Variants in CDH11 observed in about 807,000 individuals in gnomAD.
The protein encoded by CDH11 is cadherin 11.
CDH11 carries 11 observed loss-of-function variants against 67.8 expected under a neutral mutation model. That is an observed-to-expected ratio of 0.16 (90% CI 0.10 to 0.27). The LOEUF (loss-of-function observed/expected upper bound fraction) is 0.27, where lower values mean the gene tolerates loss of function less well. Among genes scored for constraint, CDH11 ranks in the 10% least tolerant of loss-of-function variants. CDH11 has a pLI of 1.00. For synonymous variants in CDH11, 419 were observed against 400.0 expected (o/e 1.05, Z -0.57); for missense variants, 847 against 1,031.2 (o/e 0.82, Z 2.45).
At chr16:65,074,574 G>T (rs368180674) in intron 1 of CDH11, among the ~76,000 whole-genome samples, 12 of 152,186 alleles carry the variant, frequency 7.9e-5, no homozygotes, top group African/African-American at 2.9e-4. Context: ...AAGCACCCAA[G>T]AATTGGAACA....
chr16:64,969,694 T>C (rs547914264), intron 11 of CDH11, among the ~76,000 whole-genome samples: 2 of 152,122 alleles, frequency 1.3e-5, no homozygotes, highest in Admixed American at 1.3e-4. Flanking sequence ...ACACAGGGCT[T>C]TTCATAAATT....
At chr16:65,056,363 A>C (rs1291056113) in intron 1 of CDH11, among the ~76,000 whole-genome samples, 1 of 152,194 alleles carries the variant, frequency 6.6e-6, no homozygotes, top group African/African-American at 2.4e-5. Flanking sequence ...TAATACATAA[A>C]AATATTCATG....
chr16:64,972,928 T>A lies in CDH11; in HGVS notation c.1366A>T (p.Ile456Phe), dbSNP rs199519838. The A allele has an allele frequency of 1.6e-4, 255 of 1,613,812 alleles. No homozygotes were observed. Among genetic ancestry groups the A allele is most frequent in the Non-Finnish European group, 2.0e-5 (24 of 1,179,886 alleles). Reference protein sequence around the residue: ...LDREETAWLNITVFAAEIHNR... With the variant: ...LDREETAWLNFTVFAAEIHNR... Reference sequence around the variant, plus strand: ...CGGATTTCTGCTGCAAAGACAGTGATGTTGAGCCAGGCTGTTTCCTCTCTA... The same window carrying A: ...CGGATTTCTGCTGCAAAGACAGTGAAGTTGAGCCAGGCTGTTTCCTCTCTA... The change falls in exon 9 of 13, where the codon ATC becomes TTC. Residue 456 changes from isoleucine (I) to phenylalanine (F), a missense_variant. This residue lies in a region of CDH11 where 612 missense variants were observed against 678.7 expected (regional missense o/e 0.90). Coordinates refer to ENST00000268603, the MANE Select transcript of CDH11 (RefSeq NM_001797.4).
intron 12 of CDH11, among the ~76,000 whole-genome samples, chr16:64,949,414 C>CTT (rs1215886893): frequency 1.5e-5 from 2 of 133,448 alleles, no homozygotes; most frequent in African/African-American, 2.8e-5. Context: ...TGTTAGGTGC[C>CTT]TTTTTTTTTT....
chr16:65,004,192 C>T (rs1302251635), intron 3 of CDH11, among the ~76,000 whole-genome samples: 2 of 152,032 alleles, frequency 1.3e-5, no homozygotes, highest in Non-Finnish European at 2.9e-5. Flanking sequence ...ACAGCAAGAC[C>T]TTTTCTCTAA....
intron 2 of CDH11, among the ~76,000 whole-genome samples, chr16:65,016,304 G>A (rs1438180150): frequency 2.0e-5 from 3 of 151,918 alleles, no homozygotes; most frequent in Non-Finnish European, 4.4e-5. Flanking sequence ...TATTAGTGTC[G>A]TTTATCAAAA....
At chr16:64,978,531 C>T (rs1331951138) in intron 8 of CDH11, among the ~76,000 whole-genome samples, 1 of 152,140 alleles carries the variant, frequency 6.6e-6, no homozygotes, top group Non-Finnish European at 1.5e-5. Context: ...GATTTCAAAA[C>T]ATAGTACAAA....
chr16:64,974,564 T>G (rs2072109658), intron 8 of CDH11, among the ~76,000 whole-genome samples: 1 of 152,144 alleles, frequency 6.6e-6, no homozygotes, highest in African/African-American at 2.4e-5. Context: ...CACTTCACAG[T>G]ATACAAACAT....
chr16:64,958,268 A>G (rs529946743), intron 11 of CDH11, among the ~76,000 whole-genome samples: 44 of 152,322 alleles, frequency 2.9e-4, no homozygotes, highest in Admixed American at 1.4e-3. Flanking sequence ...TTTTCCACAC[A>G]GTCAGAGTTT....
chr16:64,984,328 A>C (rs2072429721), intron 7 of CDH11, among the ~76,000 whole-genome samples: 2 of 152,224 alleles, frequency 1.3e-5, no homozygotes, highest in Non-Finnish European at 2.9e-5. Context: ...GAATGACTGT[A>C]CCAAGTGATC....
rs1462922193 is a variant in CDH11, at chr16:64,998,605, C to A, written c.480G>T (p.Leu160=). ...QDINDNPPEF[L]HETYHANVPE... ...GCACGTTGGCATGATAGGTCTCGTG[C>A]AGGAACTCCGGAGGGTTGTCATTAA... The change falls in exon 4 of 13, where the codon CTG becomes CTT. Residue 160 remains leucine, a synonymous_variant. Coordinates refer to ENST00000268603, the MANE Select transcript of CDH11 (RefSeq NM_001797.4). 1.2e-6 allele frequency: 2 copies of A among 1,614,074 alleles called. No individual in the cohort carries two copies. Among genetic ancestry groups the A allele is most frequent in the South Asian group, 1.1e-5 (1 of 91,068 alleles).
At chr16:64,963,909 G>GA (rs924976401) in intron 11 of CDH11, among the ~76,000 whole-genome samples, 20 of 151,308 alleles carry the variant, frequency 1.3e-4, no homozygotes, top group Admixed American at 7.9e-4. Context: ...AGCAAAAATG[G>GA]AAAAAAAAAT....
At chr16:64,990,276 A>G (rs1252502643) in intron 6 of CDH11, among the ~76,000 whole-genome samples, 3 of 152,164 alleles carry the variant, frequency 2.0e-5, no homozygotes, top group African/African-American at 7.2e-5. Flanking sequence ...TTTGAATGTT[A>G]TATGAGCCTC....
chr16:64,991,646 T>C (rs757597934), intron 6 of CDH11, 122 bp downstream of exon 6: 2 of 582,592 alleles, frequency 3.4e-6, no homozygotes, highest in East Asian at 2.8e-5. Context: ...AAGAATGATA[T>C]GAATTGCCCT....
At chr16:65,030,768 G>A (rs2073627225) in intron 2 of CDH11, among the ~76,000 whole-genome samples, 1 of 152,084 alleles carries the variant, frequency 6.6e-6, no homozygotes, top group Non-Finnish European at 1.5e-5. Context: ...TCACCATGTT[G>A]CACAGGCTTG....
At chr16:65,120,216 T>C (rs1248780894) in intron 1 of CDH11, among the ~76,000 whole-genome samples, 1 of 152,210 alleles carries the variant, frequency 6.6e-6, no homozygotes, top group Admixed American at 6.5e-5. Context: ...TTCTCTTCTC[T>C]GCCAACATAT....
intron 1 of CDH11, among the ~76,000 whole-genome samples, chr16:65,063,109 A>G (rs971309996): frequency 6.6e-6 from 1 of 152,210 alleles, no homozygotes; most frequent in Non-Finnish European, 1.5e-5. Flanking sequence ...AATGCGAAAA[A>G]TCATTTGTCA....
rs549752561 is a variant in CDH11, at chr16:64,979,366, G to A, written c.1253+2682C>T. 1.8e-4 allele frequency among the ~76,000 whole-genome samples: 27 copies of A among 152,284 alleles called. 1 individual carries two copies. The highest frequency in any genetic ancestry group is 1.5e-3 in the South Asian group (7 of 4,824). ...GGGGACTGAAGCACAAGACTCGCCCGAGCCTGGGAAGCATAGGTTGGAGTG... is the reference window on the plus strand; with the variant it reads ...GGGGACTGAAGCACAAGACTCGCCCAAGCCTGGGAAGCATAGGTTGGAGTG... On this transcript the variant is annotated intron_variant, in intron 8 of 12. Transcript: ENST00000268603.
intron 11 of CDH11, among the ~76,000 whole-genome samples, chr16:64,962,198 A>G (rs2071691111): frequency 6.6e-6 from 1 of 152,208 alleles, no homozygotes; most frequent in African/African-American, 2.4e-5. Context: ...ATAAATTAAA[A>G]CAGTTATAAC....
Sources: allele counts gnomAD v4.1 joint callset (sites outside exome capture counted in the v4.1 genomes callset), GRCh38; gene constraint gnomAD v4.1.1; regional missense constraint gnomAD v4.1.1; transcripts MANE v1.5; gene names NCBI Gene and HGNC (gene_info 2026-07-23, HGNC 2026-07-21).